The following ZFYVE1 variants were observed in gnomAD, a reference collection of about 807,000 sequenced individuals.
ZFYVE1 encodes the protein zinc finger FYVE domain-containing protein 1.
ZFYVE1 carries 30 observed loss-of-function variants against 74.4 expected under a neutral mutation model. The observed-to-expected ratio is 0.40, with a 90% CI of 0.30 to 0.55. The LOEUF is 0.55. Among genes scored for constraint, ZFYVE1 ranks in the 20% least tolerant of loss-of-function variants. The pLI is 0.42. For missense variants in ZFYVE1, 703 were observed against 1,011.6 expected, an observed-to-expected ratio of 0.69 and a Z score of 4.14; for synonymous variants, 335 against 385.1, an observed-to-expected ratio of 0.87 and a Z score of 1.52.
chr14:72,993,020 G>A (rs759987070), intron 4 of ZFYVE1, 123 bp downstream of exon 4: 64 of 957,970 alleles, frequency 6.7e-5, no homozygotes, highest in Non-Finnish European at 8.5e-5. Context: ...ATGTGCTTCC[G>A]CTTCTTATAA....
rs188979891 is a variant in ZFYVE1, at chr14:73,022,141, G to A, written c.483+1885C>T. 2.6e-4 allele frequency among the ~76,000 whole-genome samples: 39 copies of A among 152,190 alleles called. No homozygotes were observed. In the South Asian group the frequency reaches 3.7e-3, roughly 15 times the overall value. ...GTCCACAATGTCGCCCAATTACAGCGTAATCCATAACAAAGACATTATCGC... is the reference window on the plus strand; with the variant it reads ...GTCCACAATGTCGCCCAATTACAGCATAATCCATAACAAAGACATTATCGC... On this transcript the variant is annotated intron_variant, in intron 2 of 11. Transcript: ENST00000556143.
At chr14:73,014,538 A>AT (rs1303524477) in intron 2 of ZFYVE1, among the ~76,000 whole-genome samples, 1 of 152,178 alleles carries the variant, frequency 6.6e-6, no homozygotes, top group African/African-American at 2.4e-5. Flanking sequence ...ACGAAGATCT[A>AT]TTTTTTTGTT....
At chr14:73,022,759 C>A (rs556038257) in intron 2 of ZFYVE1, among the ~76,000 whole-genome samples, 2 of 152,162 alleles carry the variant, frequency 1.3e-5, no homozygotes, top group Non-Finnish European at 2.9e-5. Flanking sequence ...CCCAATCTCA[C>A]CTAGCTGTCA....
intron 5 of ZFYVE1, 26 bp downstream of exon 5, chr14:72,981,763 G>A: frequency 6.2e-7 from 1 of 1,601,938 alleles, no homozygotes; most frequent in African/African-American, 1.3e-5. Context: ...GTATGGGGTG[G>A]GAGGTGGGGG....
rs548913840 is a variant in ZFYVE1, at chr14:72,979,268, C to T, written c.1311-299G>A. 2.7e-5 allele frequency: 8 copies of T among 295,304 alleles called. 1 individual carries two copies. Among genetic ancestry groups the T allele is most frequent in the East Asian group, 1.5e-4 (2 of 13,264 alleles). 18.3% of individuals were successfully genotyped at this position (295,304 alleles called of 1,614,324 possible). ...TAATCCCAGTACTTTGGGAGGCCGACGGGGGCAGATCACTTCAGGTCAGAA... is the reference window on the plus strand; with the variant it reads ...TAATCCCAGTACTTTGGGAGGCCGATGGGGGCAGATCACTTCAGGTCAGAA... On this transcript the variant is annotated intron_variant, in intron 5 of 11. Coordinates refer to ENST00000556143, the MANE Select transcript of ZFYVE1 (RefSeq NM_021260.4).
chr14:72,989,752 C>G (rs1032350705), intron 4 of ZFYVE1, among the ~76,000 whole-genome samples: 2 of 151,434 alleles, frequency 1.3e-5, no homozygotes, highest in Admixed American at 1.3e-4. Context: ...GAGCTGTGAT[C>G]ACACCACTGC....
At chr14:72,998,866 A>AG (rs1232221290) in intron 2 of ZFYVE1, among the ~76,000 whole-genome samples, 3 of 151,786 alleles carry the variant, frequency 2.0e-5, no homozygotes, top group African/African-American at 7.2e-5. Flanking sequence ...AAAAAAAGAA[A>AG]GGGGGGTGGG....
intron 1 of ZFYVE1, among the ~76,000 whole-genome samples, chr14:73,025,483 G>A (rs1342516672): frequency 1.3e-5 from 2 of 151,896 alleles, no homozygotes; most frequent in South Asian, 2.1e-4. Context: ...ATCACTTGAG[G>A]TCAGGAGTTC....
rs2140350668 is a variant in ZFYVE1, at chr14:72,981,732, C to G, written c.1310+57G>C. On this transcript the variant is annotated intron_variant, in intron 5 of 11. Transcript: ENST00000556143. Reference sequence around the variant, plus strand: ...CCACACCAAAGTCTAGGAAGCACCACTCAAAGGCTCTATTCTCAAGGTATG... The same window carrying G: ...CCACACCAAAGTCTAGGAAGCACCAGTCAAAGGCTCTATTCTCAAGGTATG... 2.0e-6 allele frequency: 3 copies of G among 1,535,634 alleles called. No individual in the cohort carries two copies. The East Asian group carries it at 6.7e-5, about 34-fold the overall frequency.
intron 2 of ZFYVE1, among the ~76,000 whole-genome samples, chr14:73,005,153 C>G (rs1221959761): frequency 6.6e-6 from 1 of 152,114 alleles, no homozygotes; most frequent in Non-Finnish European, 1.5e-5. Flanking sequence ...CTAAATTCAT[C>G]CTTAACACAT....
Position 72,978,817 on chromosome 14 carries a change from C to A in ZFYVE1, c.1419+44G>T. On this transcript the variant is annotated intron_variant, in intron 6 of 11. Transcript: ENST00000556143. ...ATAGTCTTGCCAAAGAGAGAGTGGT[C>A]AGCAAGCCCGCTGCTGACACAGGGA... is the stretch of plus-strand genomic sequence containing the variant. The A allele has an allele frequency of 1.9e-6, 3 of 1,563,196 alleles. No homozygotes were observed. In the South Asian group the frequency reaches 3.3e-5, roughly 17 times the overall value.
chr14:73,013,620 A>C (rs1265873306), intron 2 of ZFYVE1, among the ~76,000 whole-genome samples: 2 of 151,860 alleles, frequency 1.3e-5, no homozygotes, highest in Non-Finnish European at 2.9e-5. Flanking sequence ...AGAAAAAAAC[A>C]AGAAAAGAAG....
intron 6 of ZFYVE1, 66 bp from the exon 7 acceptor site, chr14:72,978,300 G>A (rs1189018836): frequency 6.6e-7 from 1 of 1,520,088 alleles, no homozygotes; most frequent in Non-Finnish European, 9.0e-7. Flanking sequence ...TAGACACGGG[G>A]TTTTACCAGC....
chr14:73,024,764 G>C lies in ZFYVE1; in HGVS notation c.-256C>G, dbSNP rs1446593299. On this transcript the variant is annotated 5_prime_UTR_variant, in exon 2 of 12. Coordinates refer to ENST00000556143, the MANE Select transcript of ZFYVE1 (RefSeq NM_021260.4). The stretch of plus-strand genomic sequence containing the variant: ...TGGTTTCATCCTCCATAAAGTGCAA[G>C]CAAAGATGTGGTCAAAATTGACTTG... The C allele has an allele frequency of 3.2e-5, 14 of 434,398 alleles. No homozygotes were observed. The highest frequency in any genetic ancestry group is 4.8e-5 in the Non-Finnish European group (12 of 252,348). The allele number at this position is 434,398 out of a possible 1,614,324, so 26.9% of individuals were successfully genotyped here.
At chr14:72,983,129 G>A (rs1197297087) in intron 4 of ZFYVE1, among the ~76,000 whole-genome samples, 1 of 152,046 alleles carries the variant, frequency 6.6e-6, no homozygotes, top group Non-Finnish European at 1.5e-5. Flanking sequence ...ACAGACGTAA[G>A]CCACCATGCT....
At chr14:72,989,770 C>A (rs956907910) in intron 4 of ZFYVE1, among the ~76,000 whole-genome samples, 2 of 151,410 alleles carry the variant, frequency 1.3e-5, no homozygotes, top group African/African-American at 2.4e-5. Context: ...TGCACTCCAG[C>A]CTGGGCAACA....
At chr14:72,998,732 C>T (rs774211873) in intron 2 of ZFYVE1, among the ~76,000 whole-genome samples, 4 of 151,700 alleles carry the variant, frequency 2.6e-5, no homozygotes, top group Non-Finnish European at 5.9e-5. Context: ...ACGCATGTAA[C>T]AGTGGCACTT....
rs1039305768 is a variant in ZFYVE1, at chr14:72,970,684, G to A, written c.*198C>T. Reference sequence around the variant, plus strand: ...GGTTCATTCCCCTTTGCGATAAGTTGCAAGGTCCCCTGCCCTGAGGGGTCC... The same window carrying A: ...GGTTCATTCCCCTTTGCGATAAGTTACAAGGTCCCCTGCCCTGAGGGGTCC... On this transcript the variant is annotated 3_prime_UTR_variant, in exon 12 of 12. Transcript: ENST00000556143. The A allele has an allele frequency of 3.3e-6, 2 of 611,118 alleles. No individual in the cohort carries two copies. Among genetic ancestry groups the A allele is most frequent in the African/African-American group, 1.9e-5 (1 of 53,966 alleles). 37.9% of individuals were successfully genotyped at this position (611,118 alleles called of 1,614,324 possible). A position where few individuals can be genotyped will look rare whatever the true frequency, so the allele number is the denominator to read the frequency against.
At chr14:73,009,086 A>T (rs1894036810) in intron 2 of ZFYVE1, among the ~76,000 whole-genome samples, 1 of 152,194 alleles carries the variant, frequency 6.6e-6, no homozygotes, top group South Asian at 2.1e-4. Context: ...ATAGGAAATC[A>T]AGACACAATT....
Sources: allele counts gnomAD v4.1 joint callset (sites outside exome capture counted in the v4.1 genomes callset), GRCh38; gene constraint gnomAD v4.1.1; transcripts MANE v1.5; gene names NCBI Gene and HGNC (gene_info 2026-07-23, HGNC 2026-07-21).